The following CELF2 variants were observed in gnomAD, a reference collection of about 807,000 sequenced individuals.
CELF2 encodes the protein CUG triplet repeat RNA-binding protein 2.
In CELF2, 8 loss-of-function variants were observed where a neutral mutation model predicts 62.6. That is an observed-to-expected ratio of 0.13 (90% CI 0.07 to 0.23). The LOEUF (loss-of-function observed/expected upper bound fraction) is 0.23, where lower values mean the gene tolerates loss of function less well. CELF2 is among the 10% of genes least tolerant of loss of function. The pLI is 1.00. For synonymous variants in CELF2, 258 were observed against 250.0 expected (o/e 1.03, Z -0.30); for missense variants, 333 against 671.0 (o/e 0.50, Z 5.56).
intron 1 of CELF2, among the ~76,000 whole-genome samples, chr10:10,908,214 A>ATTTTTTTTTTGTTTT (rs2063503969): frequency 1.2e-5 from 1 of 83,738 alleles, no homozygotes; most frequent in Non-Finnish European, 2.1e-5. Flanking sequence ...GTATGAGGGG[A>ATTTTTTTTTTGTTTT]TTTTTTTTTT....
chr10:10,617,514 A>G, the CELF2 span, among the ~76,000 whole-genome samples: 1 of 152,158 alleles, frequency 6.6e-6, no homozygotes, highest in South Asian at 2.1e-4. Flanking sequence ...GATTGGAAAG[A>G]GGCAGGCTTA....
At chr10:11,298,406 G>A (rs2093401713) in intron 9 of CELF2, among the ~76,000 whole-genome samples, 1 of 152,232 alleles carries the variant, frequency 6.6e-6, no homozygotes, top group South Asian at 2.1e-4. Flanking sequence ...GTCAGGATTG[G>A]GGAGGATGCC....
Position 11,333,968 on chromosome 10 carries a change from G to A in CELF2, c.*4915G>A, listed in dbSNP as rs555428299. On this transcript the variant is annotated 3_prime_UTR_variant, in exon 13 of 13. Transcript: ENST00000633077. ...CTGATTTCAAGTTTGATTTCGGGTT[G>A]ATTGATTGATTGATTGATAGAAAGA... The A allele has an allele frequency of 1.4e-5, 1 of 70,864 alleles. No individual in the cohort carries two copies. The highest frequency in any genetic ancestry group is 8.9e-5 in the African/African-American group (1 of 11,176). The allele number at this position is 70,864 out of a possible 1,614,324, so 4.4% of individuals were successfully genotyped here.
the CELF2 span, among the ~76,000 whole-genome samples, chr10:10,792,952 C>T: frequency 6.6e-6 from 1 of 152,296 alleles, no homozygotes; most frequent in South Asian, 2.1e-4. Context: ...TGGCTTTAAT[C>T]CGTTTTACCC....
At chr10:10,651,071 G>A in the CELF2 span, among the ~76,000 whole-genome samples, 1 of 151,734 alleles carries the variant, frequency 6.6e-6, no homozygotes, top group East Asian at 1.9e-4. Flanking sequence ...AGCGCAAGGG[G>A]TCAGGGAGTT....
the CELF2 span, among the ~76,000 whole-genome samples, chr10:10,571,827 G>A: frequency 9.2e-5 from 14 of 152,234 alleles, no homozygotes; most frequent in Admixed American, 2.6e-4. Flanking sequence ...AGGCACGGAC[G>A]GAATTCTATC....
At chr10:10,688,902 G>T in the CELF2 span, among the ~76,000 whole-genome samples, 1 of 151,992 alleles carries the variant, frequency 6.6e-6, no homozygotes, top group East Asian at 1.9e-4. Flanking sequence ...TACTCGGGAG[G>T]CTAAGGCAGG....
At chr10:10,844,128 A>AT (rs1393453854) in intron 1 of CELF2, among the ~76,000 whole-genome samples, 1 of 152,030 alleles carries the variant, frequency 6.6e-6, no homozygotes, top group East Asian at 1.9e-4. Context: ...CAGAGTCCTG[A>AT]TATTTTTTTC....
At chr10:11,001,897 G>A (rs75612237), upstream of CELF2, among the ~76,000 whole-genome samples, 7 of 152,056 alleles carry the variant, frequency 4.6e-5, no homozygotes, top group East Asian at 1.9e-4. Flanking sequence ...GCCCCCAAAA[G>A]TTGTTAGTCT....
At chr10:10,583,554 G>A in the CELF2 span, among the ~76,000 whole-genome samples, 1 of 152,168 alleles carries the variant, frequency 6.6e-6, no homozygotes, top group Admixed American at 6.5e-5. Context: ...TCTAGCTGAG[G>A]AGACAGTCAT....
chr10:11,307,812 T>G (rs2094337549), intron 9 of CELF2, among the ~76,000 whole-genome samples: 1 of 152,218 alleles, frequency 6.6e-6, no homozygotes, highest in African/African-American at 2.4e-5. Flanking sequence ...GCAATGGGGC[T>G]GGGCCAGGAC....
rs2046458663 is a variant in CELF2 at position 10,936,909 on chromosome 10, T to A, written c.89+16910T>A. Reference sequence around the variant, plus strand: ...TGACAAGCTCCCACGGGGTTTCTGATGATTCTGGTCCTCAGACCATCCTTT... The same window carrying A: ...TGACAAGCTCCCACGGGGTTTCTGAAGATTCTGGTCCTCAGACCATCCTTT... On this transcript the variant is annotated intron_variant, in intron 2 of 13. Coordinates refer to the CELF2 transcript ENST00000636488. The surrounding 1 kb of genome is among the most constrained non-coding windows in gnomAD (Gnocchi z 4.0). 6.6e-6 allele frequency among the ~76,000 whole-genome samples: 1 copy of A among 152,148 alleles called. No homozygotes were observed. Among genetic ancestry groups the A allele is most frequent in the African/African-American group, 2.4e-5 (1 of 41,424 alleles).
At position 10,982,166 on chromosome 10, in the gene CELF2, G is replaced by A. The variant is rs76268643; in HGVS notation, c.89+62167G>A. On this transcript the variant is annotated intron_variant, in intron 2 of 13. Transcript: ENST00000636488. ...AGACAGGTTTCACCATGTTGGCCAG[G>A]CTAGTCTCCAGCTCCTGACCTCAGG... 5.8e-3 allele frequency among the ~76,000 whole-genome samples: 882 copies of A among 151,994 alleles called. 10 individuals are homozygous for A. The highest frequency in any genetic ancestry group is 0.02 in the African/African-American group (828 of 41,422).
the CELF2 span, among the ~76,000 whole-genome samples, chr10:10,535,258 G>C: frequency 6.6e-6 from 1 of 152,230 alleles, no homozygotes. Flanking sequence ...TTGGGAACAG[G>C]ATGAACACCT....
chr10:11,158,067 C>T (rs981984071), intron 1 of CELF2, among the ~76,000 whole-genome samples: 3 of 152,154 alleles, frequency 2.0e-5, no homozygotes, highest in Non-Finnish European at 2.9e-5. Flanking sequence ...GAGTTTCCCC[C>T]TATATTTGTC....
At chr10:10,954,272 G>A (rs1453804770) in intron 2 of CELF2, among the ~76,000 whole-genome samples, 2 of 149,272 alleles carry the variant, frequency 1.3e-5, no homozygotes, top group Non-Finnish European at 3.0e-5. Context: ...TTGAGATGGA[G>A]CCTTGTTCTG....
Position 11,311,842 on chromosome 10 carries a change from G to A in CELF2, c.977-2297G>A, listed in dbSNP as rs1313421103. 3.9e-5 allele frequency among the ~76,000 whole-genome samples: 6 copies of A among 152,060 alleles called. No homozygotes were observed. Among genetic ancestry groups the A allele is most frequent in the Non-Finnish European group, 5.9e-5 (4 of 68,024 alleles). Reference sequence around the variant, plus strand: ...TAACTTAGGTCTAGCTAAATTCCTAGTGGAAAGGAGAAAGAGAATGGGGGA... The same window carrying A: ...TAACTTAGGTCTAGCTAAATTCCTAATGGAAAGGAGAAAGAGAATGGGGGA... On this transcript the variant is annotated intron_variant, in intron 9 of 12. Transcript: ENST00000633077. The surrounding 1 kb of genome is among the most constrained non-coding windows in gnomAD (Gnocchi z 4.7).
Position 11,223,208 on chromosome 10 carries a change from C to T in CELF2, c.354+5701C>T, listed in dbSNP as rs2065427175. Among the ~76,000 whole-genome samples, 1 of 152,202 alleles carries T rather than the reference C, an allele frequency of 6.6e-6. No individual in the cohort carries two copies. The highest frequency in any genetic ancestry group is 2.1e-4 in the South Asian group (1 of 4,832). On this transcript the variant is annotated intron_variant, in intron 3 of 12. Coordinates refer to ENST00000633077, the MANE Select transcript of CELF2 (RefSeq NM_001326342.2). This position sits in a 1 kb window ranked among gnomAD's most constrained non-coding sequence, Gnocchi z 5.1. ...CGTGCGATGATGGTGAGCTCTGCTTCCCAGCATCCTCACAGTCAGGCCTGA... is the reference window on the plus strand; with the variant it reads ...CGTGCGATGATGGTGAGCTCTGCTTTCCAGCATCCTCACAGTCAGGCCTGA...
In CELF2 at chr10:10,983,042, A is replaced by G. The variant is rs1247295910; in HGVS notation, c.89+63043A>G. Reference sequence around the variant, plus strand: ...AGAAATGTTGCCATATTAATGGGATATTAGCCCTTTACTGACTTGGAGGTT... The same window carrying G: ...AGAAATGTTGCCATATTAATGGGATGTTAGCCCTTTACTGACTTGGAGGTT... On this transcript the variant is annotated intron_variant, in intron 2 of 13. Coordinates refer to the CELF2 transcript ENST00000636488. This position sits in a 1 kb window ranked among gnomAD's most constrained non-coding sequence, Gnocchi z 5.2. Among the ~76,000 whole-genome samples, 1 of 152,172 alleles carries G rather than the reference A, an allele frequency of 6.6e-6. No individual in the cohort carries two copies. Among genetic ancestry groups the G allele is most frequent in the Admixed American group, 6.5e-5 (1 of 15,274 alleles).
Sources: gnomAD v4.1 joint callset for allele counts (sites outside exome capture counted in the v4.1 genomes callset) on GRCh38, gnomAD v4.1.1 for gene constraint, Gnocchi (gnomAD v3.1) non-coding constraint, MANE v1.5 for transcripts, NCBI Gene and HGNC (gene_info 2026-07-23, HGNC 2026-07-21) for gene names.